The following GNA12 variants were observed in gnomAD, a reference collection of about 807,000 sequenced individuals.
GNA12 encodes G protein subunit alpha 12.
A neutral mutation model predicts 26.0 loss-of-function variants in GNA12; 9 were observed. The ratio of observed to expected loss-of-function variants is 0.35; its 90% CI spans 0.21 to 0.60. The LOEUF (loss-of-function observed/expected upper bound fraction) is 0.60, where lower values mean the gene tolerates loss of function less well. Ranked by LOEUF, GNA12 falls within the 20% of genes least tolerant of loss-of-function variation. GNA12 has a pLI of 0.78. For synonymous variants in GNA12, 264 were observed against 219.6 expected, an observed-to-expected ratio of 1.20 and a Z score of -1.79; for missense variants, 405 against 525.8, an observed-to-expected ratio of 0.77 and a Z score of 2.25.
chr7:2,731,472 G>A lies in GNA12; in HGVS notation c.855C>T (p.Leu285=), dbSNP rs540650945. The A allele has an allele frequency of 1.2e-6, 2 of 1,613,872 alleles. No homozygotes were observed. The highest frequency in any genetic ancestry group is 2.2e-5 in the East Asian group (1 of 44,892). Residue 285 remains leucine (L), a synonymous_variant, in exon 4 of 4, where the codon CTC becomes CTT. Transcript: ENST00000275364. The surrounding 1 kb of genome is among the most constrained non-coding windows in gnomAD (Gnocchi z 6.0). Reference sequence around the variant, plus strand: ...AGAGAATGATGGAGACGTTGAAGAAGAGCTTGTTGTTGACGATGGTCTCGA... The same window carrying A: ...AGAGAATGATGGAGACGTTGAAGAAAAGCTTGTTGTTGACGATGGTCTCGA... ...NIFETIVNNK[L]FFNVSIILFL...
intron 1 of GNA12, among the ~76,000 whole-genome samples, chr7:2,808,417 T>C (rs559045032): frequency 6.6e-6 from 1 of 152,356 alleles, no homozygotes; most frequent in African/African-American, 2.4e-5. Flanking sequence ...CCTTGGAGGC[T>C]GTCTGTCCCT....
chr7:2,743,693 C>T (rs1046695118), intron 2 of GNA12, among the ~76,000 whole-genome samples: 3 of 152,132 alleles, frequency 2.0e-5, no homozygotes, highest in African/African-American at 4.8e-5. Flanking sequence ...GTGGGCGCAG[C>T]GCACTGTGCG....
At chr7:2,809,217 C>T (rs1793019912) in intron 1 of GNA12, among the ~76,000 whole-genome samples, 1 of 152,132 alleles carries the variant, frequency 6.6e-6, no homozygotes, top group South Asian at 2.1e-4. Flanking sequence ...CTGTTCACAC[C>T]CGTGTCCCCA....
intron 2 of GNA12, among the ~76,000 whole-genome samples, chr7:2,771,388 C>G (rs549050604): frequency 2.6e-5 from 4 of 152,288 alleles, no homozygotes; most frequent in South Asian, 2.1e-4. Context: ...GTGGGACCAT[C>G]ATAACAGCCA....
intron 1 of GNA12, among the ~76,000 whole-genome samples, chr7:2,801,939 A>G (rs1318851489): frequency 6.6e-6 from 1 of 152,156 alleles, no homozygotes; most frequent in Non-Finnish European, 1.5e-5. Context: ...CAGAACTGAT[A>G]GTTACACTTT....
intron 2 of GNA12, among the ~76,000 whole-genome samples, chr7:2,749,618 A>G (rs1790929721): frequency 6.6e-6 from 1 of 152,190 alleles, no homozygotes; most frequent in Non-Finnish European, 1.5e-5. Flanking sequence ...ATATGTAACA[A>G]ACCTGCACGT....
At position 2,843,873 on chromosome 7, in the gene GNA12, T is replaced by C. The variant is rs997016632; in HGVS notation, c.289A>G (p.Ile97Val). ...QKALLEFRDT[I>V]FDNILKGSRV... is the part of the protein sequence containing the mutation. ...GTCACCTTGAGGATGTTGTCGAAGA[T>C]GGTGTCGCGGAACTCCAGCAGCGCC... is the stretch of plus-strand genomic sequence containing the variant. Residue 97 changes from isoleucine (I) to valine (V), a missense_variant, in exon 1 of 4, where the codon ATC becomes GTC. Transcript: ENST00000275364. 22 of 1,544,774 alleles carry C rather than the reference T, an allele frequency of 1.4e-5. No homozygotes were observed. The highest frequency in any genetic ancestry group is 1.7e-5 in the Non-Finnish European group (20 of 1,144,648).
intron 1 of GNA12, among the ~76,000 whole-genome samples, chr7:2,797,173 T>C (rs903722975): frequency 2.6e-5 from 4 of 152,178 alleles, no homozygotes; most frequent in Non-Finnish European, 2.9e-5. Flanking sequence ...GGAGACTGGG[T>C]CTTGCTCTGT....
intron 1 of GNA12, among the ~76,000 whole-genome samples, chr7:2,832,513 G>A (rs995827299): frequency 6.6e-6 from 1 of 152,170 alleles, no homozygotes. Flanking sequence ...CCACGGTGAC[G>A]AGAGAATTAG....
intron 1 of GNA12, among the ~76,000 whole-genome samples, chr7:2,821,145 T>A (rs549862194): frequency 6.6e-6 from 1 of 152,360 alleles, no homozygotes; most frequent in Admixed American, 6.5e-5. Context: ...CTCTGGTTAA[T>A]GTTCTGCTTA....
intron 1 of GNA12, chr7:2,835,780 C>T (rs187092200): frequency 1.5e-5 from 11 of 721,178 alleles, no homozygotes; most frequent in African/African-American, 1.1e-4. Flanking sequence ...AGAAGATGCT[C>T]GTGACGGTAC....
At chr7:2,832,611 C>T (rs1169600139) in intron 1 of GNA12, among the ~76,000 whole-genome samples, 1 of 152,228 alleles carries the variant, frequency 6.6e-6, no homozygotes, top group Non-Finnish European at 1.5e-5. Flanking sequence ...GCCTGGCACA[C>T]TTCCACCAGC....
chr7:2,736,468 GTGTC>G (rs568110451), intron 2 of GNA12, among the ~76,000 whole-genome samples: 38 of 152,334 alleles, frequency 2.5e-4, no homozygotes, highest in African/African-American at 8.9e-4. Flanking sequence ...TCCCACGAAT[GTGTC>G]TGTCCTCTCA....
intron 2 of GNA12, among the ~76,000 whole-genome samples, chr7:2,783,358 G>A (rs1182211553): frequency 2.0e-5 from 3 of 152,140 alleles, no homozygotes; most frequent in Non-Finnish European, 2.9e-5. Flanking sequence ...CAGGTCTCCC[G>A]GGGAGCTGGC....
intron 2 of GNA12, among the ~76,000 whole-genome samples, chr7:2,783,702 T>A (rs142364687): frequency 0.051 from 5,127 of 101,224 alleles, 125 homozygotes; most frequent in Middle Eastern, 0.11. Context: ...TTATTTATTT[T>A]GAGATGTAGT....
chr7:2,740,902 G>A (rs375230513), intron 2 of GNA12, among the ~76,000 whole-genome samples: 12 of 152,178 alleles, frequency 7.9e-5, no homozygotes, highest in East Asian at 3.9e-4. Context: ...AAAATTAGTC[G>A]GGCGTGGTGG....
At chr7:2,814,817 C>T in intron 1 of GNA12, 1 of 1,526,416 alleles carries the variant, frequency 6.6e-7, no homozygotes. Context: ...TCCCAAGCAC[C>T]CTTCCTGTGC....
intron 1 of GNA12, among the ~76,000 whole-genome samples, chr7:2,799,437 G>C (rs1792755435): frequency 6.6e-6 from 1 of 152,076 alleles, no homozygotes; most frequent in South Asian, 2.1e-4. Flanking sequence ...AACAAATTAG[G>C]CAGGCATGGT....
chr7:2,834,537 G>T (rs560280730), intron 1 of GNA12, among the ~76,000 whole-genome samples: 1 of 152,234 alleles, frequency 6.6e-6, no homozygotes, highest in Non-Finnish European at 1.5e-5. Flanking sequence ...ATGCCGTGGA[G>T]ATTTTGTTGA....
Sources: allele counts gnomAD v4.1 joint callset (sites outside exome capture counted in the v4.1 genomes callset), GRCh38; gene constraint gnomAD v4.1.1; non-coding constraint Gnocchi (gnomAD v3.1); transcripts MANE v1.5; gene names NCBI Gene and HGNC (gene_info 2026-07-23, HGNC 2026-07-21).